The following MCC variants were observed in gnomAD, a reference collection of about 807,000 sequenced individuals.
The protein encoded by MCC is colorectal mutant cancer protein.
Under a neutral mutation model 116.2 loss-of-function variants are expected in MCC, and 90 were observed. The ratio of observed to expected loss-of-function variants is 0.77; its 90% CI spans 0.65 to 0.92. MCC has a LOEUF of 0.92. MCC is among the 40% of genes least tolerant of loss of function. The pLI, the probability that MCC is intolerant of heterozygous loss-of-function variation, is 0.00. For missense variants in MCC, 1,516 were observed against 1,312.2 expected, an observed-to-expected ratio of 1.16 and a Z score of -2.40; for synonymous variants, 578 against 510.5, an observed-to-expected ratio of 1.13 and a Z score of -1.78.
chr5:113,242,685 C>T (rs1246561728), intron 3 of MCC, among the ~76,000 whole-genome samples: 2 of 152,032 alleles, frequency 1.3e-5, no homozygotes, highest in Non-Finnish European at 2.9e-5. Context: ...GGGTTATGAA[C>T]AAGGAACATG....
In MCC at chr5:113,298,888, TAGAC is replaced by T. The variant is rs529799582; in HGVS notation, c.627+41627_627+41630del. On this transcript the variant is annotated intron_variant, in intron 3 of 18. Coordinates refer to ENST00000408903, the MANE Select transcript of MCC (RefSeq NM_001085377.2). ...AATCAGATTCTGACTCAAGGAAAGT[TAGAC>T]AGAGAAATGCCTGTCAATGCAAGGG... Among the ~76,000 whole-genome samples, 228 of 152,286 alleles carry T rather than the reference TAGAC, an allele frequency of 1.5e-3. 2 individuals are homozygous for T. Among genetic ancestry groups the T allele is most frequent in the Admixed American group, 6.6e-3 (101 of 15,290 alleles).
intron 5 of MCC, among the ~76,000 whole-genome samples, chr5:113,139,382 A>G (rs11955020): frequency 0.04 from 6,144 of 152,226 alleles, 413 homozygotes; most frequent in African/African-American, 0.14. Flanking sequence ...TCAATCCAGA[A>G]TCTCTTACAG....
chr5:113,053,365 A>G (rs572253624), intron 15 of MCC, among the ~76,000 whole-genome samples: 6 of 152,294 alleles, frequency 3.9e-5, no homozygotes, highest in Admixed American at 2.6e-4. Flanking sequence ...TGCCGGAGTT[A>G]ACATCAGCAT....
At chr5:113,442,437 A>C (rs1190832783) in intron 1 of MCC, among the ~76,000 whole-genome samples, 3 of 152,078 alleles carry the variant, frequency 2.0e-5, no homozygotes, top group Non-Finnish European at 2.9e-5. Context: ...ACTTTCTCCT[A>C]TTCTGTAGGT....
intron 1 of MCC, among the ~76,000 whole-genome samples, chr5:113,412,008 G>C (rs1037628152): frequency 6.6e-6 from 1 of 152,162 alleles, no homozygotes; most frequent in African/African-American, 2.4e-5. Flanking sequence ...AGTTTTCCCA[G>C]CACCATTCAT....
At chr5:113,380,417 A>G (rs1467684518) in intron 2 of MCC, among the ~76,000 whole-genome samples, 1 of 152,234 alleles carries the variant, frequency 6.6e-6, no homozygotes, top group African/African-American at 2.4e-5. Flanking sequence ...TTATGCATCC[A>G]CAATCACATT....
chr5:113,462,907 A>G (rs969925702), intron 1 of MCC, among the ~76,000 whole-genome samples: 1 of 152,234 alleles, frequency 6.6e-6, no homozygotes, highest in Non-Finnish European at 1.5e-5. Flanking sequence ...GGCCAAAAAG[A>G]TATTAACCAA....
At chr5:113,476,420 G>C (rs751239488) in intron 1 of MCC, among the ~76,000 whole-genome samples, 1 of 152,114 alleles carries the variant, frequency 6.6e-6, no homozygotes, top group African/African-American at 2.4e-5. Context: ...TTTTTGACAA[G>C]GGTGTCAAGA....
chr5:113,207,896 C>T (rs989772936), intron 3 of MCC, among the ~76,000 whole-genome samples: 3 of 152,148 alleles, frequency 2.0e-5, no homozygotes, highest in African/African-American at 7.2e-5. Flanking sequence ...AATGAGAACC[C>T]TACTCTCATC....
At chr5:113,230,299 C>T (rs496977) in intron 3 of MCC, among the ~76,000 whole-genome samples, 28,633 of 152,120 alleles carry the variant, frequency 0.19, 3,235 homozygotes, top group South Asian at 0.26. Flanking sequence ...ACATCAATGT[C>T]CTTGAAATAT....
intron 17 of MCC, among the ~76,000 whole-genome samples, chr5:113,039,712 C>CT (rs376475636): frequency 7.6e-6 from 1 of 131,322 alleles, no homozygotes; most frequent in African/African-American, 3.1e-5. Context: ...CCACTCCGCG[C>CT]CCCCCCCCCC....
At chr5:113,401,751 T>G (rs975562264) in intron 1 of MCC, among the ~76,000 whole-genome samples, 3 of 145,026 alleles carry the variant, frequency 2.1e-5, no homozygotes, top group African/African-American at 7.9e-5. Context: ...ATGTGCAAAT[T>G]TCCCCAGGTT....
intron 3 of MCC, among the ~76,000 whole-genome samples, chr5:113,182,324 T>C (rs1243842086): frequency 6.6e-6 from 1 of 152,242 alleles, no homozygotes; most frequent in East Asian, 1.9e-4. Flanking sequence ...AGTGTTCTAA[T>C]GTGGTTAAGT....
chr5:113,408,864 A>G (rs1769905271), intron 1 of MCC, among the ~76,000 whole-genome samples: 1 of 152,226 alleles, frequency 6.6e-6, no homozygotes, highest in Admixed American at 6.5e-5. Context: ...GCTTCAGGGC[A>G]GATGGCCTAG....
At chr5:113,453,360 T>C (rs1406771326) in intron 1 of MCC, among the ~76,000 whole-genome samples, 1 of 152,102 alleles carries the variant, frequency 6.6e-6, no homozygotes, top group East Asian at 1.9e-4. Flanking sequence ...AGAACAGCTT[T>C]TTTAAACAAG....
At position 113,043,514 on chromosome 5, in the gene MCC, G is replaced by A; in HGVS notation, c.2756+16C>T. On this transcript the variant is annotated intron_variant, in intron 17 of 18. Transcript: ENST00000408903. Reference sequence around the variant, plus strand: ...CCCAGGATAAACACCAGCTGGGGTGGGGAAAGGGTGCTTACCGACGAATGG... The same window carrying A: ...CCCAGGATAAACACCAGCTGGGGTGAGGAAAGGGTGCTTACCGACGAATGG... 6.2e-7 allele frequency: 1 copy of A among 1,609,786 alleles called. No individual in the cohort carries two copies. The highest frequency in any genetic ancestry group is 1.3e-5 in the African/African-American group (1 of 74,980).
chr5:113,209,335 A>G (rs922821509), intron 3 of MCC, among the ~76,000 whole-genome samples: 1 of 152,200 alleles, frequency 6.6e-6, no homozygotes, highest in Admixed American at 6.5e-5. Flanking sequence ...TATTGCTCCC[A>G]ATTGTCATAT....
At chr5:113,179,032 T>TA (rs1457727820) in intron 3 of MCC, among the ~76,000 whole-genome samples, 3 of 152,192 alleles carry the variant, frequency 2.0e-5, no homozygotes, top group Non-Finnish European at 2.9e-5. Context: ...AATTTACTGT[T>TA]AAAATGCTAC....
intron 17 of MCC, among the ~76,000 whole-genome samples, chr5:113,040,905 G>C (rs1053441272): frequency 6.6e-6 from 1 of 152,170 alleles, no homozygotes; most frequent in Non-Finnish European, 1.5e-5. Context: ...TGCCAGCAAA[G>C]GCCTCTGAGG....
Sources: allele counts gnomAD v4.1 joint callset (sites outside exome capture counted in the v4.1 genomes callset), GRCh38; gene constraint gnomAD v4.1.1; transcripts MANE v1.5; gene names NCBI Gene and HGNC (gene_info 2026-07-23, HGNC 2026-07-21).